The following EPHB2 variants were observed in gnomAD, a reference collection of about 807,000 sequenced individuals.
EPHB2 encodes the protein ephrin type-B receptor 2.
EPHB2 carries 18 observed loss-of-function variants against 96.4 expected under a neutral mutation model. That is an observed-to-expected ratio of 0.19 (90% confidence interval 0.13 to 0.28). The LOEUF (loss-of-function observed/expected upper bound fraction) is 0.28, where lower values mean the gene tolerates loss of function less well. Among genes scored for constraint, EPHB2 ranks in the 10% least tolerant of loss-of-function variants. The probability of loss-of-function intolerance (pLI) is 1.00; values close to 1 mark genes in which losing one functional copy is unlikely to be tolerated. For missense variants in EPHB2, 989 were observed against 1,355.4 expected, an observed-to-expected ratio of 0.73 and a Z score of 4.25; for synonymous variants, 506 against 534.1, an observed-to-expected ratio of 0.95 and a Z score of 0.72.
intron 3 of EPHB2, among the ~76,000 whole-genome samples, chr1:22,804,375 G>A (rs890657106): frequency 6.6e-6 from 1 of 152,110 alleles, no homozygotes; most frequent in African/African-American, 2.4e-5. Flanking sequence ...CCCCCATCCT[G>A]CCAGCGAAGG....
At chr1:22,821,521 G>T (rs1645151949) in intron 3 of EPHB2, among the ~76,000 whole-genome samples, 1 of 152,098 alleles carries the variant, frequency 6.6e-6, no homozygotes, top group Non-Finnish European at 1.5e-5. Flanking sequence ...ACCCAGAATT[G>T]AACAAAAAAT....
chr1:22,803,505 G>A (rs1333969730), intron 3 of EPHB2, among the ~76,000 whole-genome samples: 1 of 151,852 alleles, frequency 6.6e-6, no homozygotes, highest in East Asian at 1.9e-4. Context: ...TACTAGGGAG[G>A]CTGAGGTGGG....
At chr1:22,822,012 G>A (rs1173036558) in intron 3 of EPHB2, among the ~76,000 whole-genome samples, 2 of 152,192 alleles carry the variant, frequency 1.3e-5, no homozygotes, top group African/African-American at 4.8e-5. Flanking sequence ...ATGCTGGGAG[G>A]AAAGAATAAT....
intron 1 of EPHB2, among the ~76,000 whole-genome samples, chr1:22,720,157 T>C (rs536884190): frequency 1.3e-5 from 2 of 152,280 alleles, no homozygotes; most frequent in East Asian, 3.9e-4. Context: ...GATGGTGAAA[T>C]GGAAACTGCA....
Position 22,733,105 on chromosome 1 carries a change from A to G in EPHB2, c.61+22062A>G, listed in dbSNP as rs554287965. Among the ~76,000 whole-genome samples the G allele has an allele frequency of 1.3e-5, 2 of 151,884 alleles. No individual in the cohort carries two copies. The highest frequency in any genetic ancestry group is 3.9e-4 in the East Asian group (2 of 5,168). On this transcript the variant is annotated intron_variant, in intron 1 of 15. Transcript: ENST00000374630. This position sits in a 1 kb window ranked among gnomAD's most constrained non-coding sequence, Gnocchi z 4.6. ...CTCTTGTCGCCCAGACTGGAATGCA[A>G]TGGCGTAGTCTTGGCTCACTGCAAC...
At chr1:22,742,304 C>A (rs999469956) in intron 1 of EPHB2, among the ~76,000 whole-genome samples, 1 of 152,090 alleles carries the variant, frequency 6.6e-6, no homozygotes, top group Non-Finnish European at 1.5e-5. Flanking sequence ...CTGTCTTCTG[C>A]ATTCAGGGTG....
At chr1:22,729,295 T>G (rs1251532714) in intron 1 of EPHB2, among the ~76,000 whole-genome samples, 1 of 152,076 alleles carries the variant, frequency 6.6e-6, no homozygotes. Flanking sequence ...TGTCTTGAAA[T>G]CTCCAAATTA....
In EPHB2 at chr1:22,910,533, G is replaced by A. The variant is rs746925117; in HGVS notation, c.2654G>A (p.Arg885His). 9 of 1,612,946 alleles carry A rather than the reference G, an allele frequency of 5.6e-6. No homozygotes were observed. The highest frequency in any genetic ancestry group is 2.2e-5 in the South Asian group (2 of 91,078). Residue 885 changes from arginine to histidine, a missense_variant, in exon 14 of 16, where the codon CGC becomes CAC. Arg to His is a conservative substitution (Grantham distance 29). Transcript: ENST00000374630. ...GTCAACACGCTAGACAAGATGATCCGCAATCCCAACAGCCTCAAAGCCATG... is the reference window on the plus strand; with the variant it reads ...GTCAACACGCTAGACAAGATGATCCACAATCCCAACAGCCTCAAAGCCATG... ...QIVNTLDKMI[R>H]NPNSLKAMAP...
intron 14 of EPHB2, 104 bp downstream of exon 14, chr1:22,910,679 T>C (rs1640070171): frequency 7.0e-7 from 1 of 1,430,808 alleles, no homozygotes; most frequent in African/African-American, 1.4e-5. Flanking sequence ...TACTGCAGCT[T>C]GGGATGGGGA....
At chr1:22,820,062 T>C (rs1645132189) in intron 3 of EPHB2, among the ~76,000 whole-genome samples, 1 of 151,834 alleles carries the variant, frequency 6.6e-6, no homozygotes, top group Non-Finnish European at 1.5e-5. Flanking sequence ...GGTTATCAGG[T>C]TGAAACTGCA....
chr1:22,835,477 T>C (rs140878912), intron 3 of EPHB2, among the ~76,000 whole-genome samples: 28 of 152,284 alleles, frequency 1.8e-4, no homozygotes, highest in African/African-American at 6.7e-4. Context: ...CATGCACATA[T>C]GTTTGCATAT....
chr1:22,784,249 C>A lies in EPHB2; in HGVS notation c.127-143C>A. ...CTTTCCCACCTGATTGGCATGTCTC[C>A]CCCATCAGATTGGGAATTCTCTGAT... On this transcript the variant is annotated intron_variant, in intron 2 of 15. Transcript: ENST00000374630. This position sits in a 1 kb window ranked among gnomAD's most constrained non-coding sequence, Gnocchi z 5.1. The A allele has an allele frequency of 1.3e-6, 1 of 764,328 alleles. No homozygotes were observed. The highest frequency in any genetic ancestry group is 2.3e-6 in the Non-Finnish European group (1 of 437,226). The allele number at this position is 764,328 out of a possible 1,614,324, so 47.3% of individuals were successfully genotyped here. A position where few individuals can be genotyped will look rare whatever the true frequency, so the allele number is the denominator to read the frequency against.
chr1:22,890,016 C>T (rs1418823817), intron 6 of EPHB2, among the ~76,000 whole-genome samples: 2 of 152,022 alleles, frequency 1.3e-5, no homozygotes, highest in Non-Finnish European at 2.9e-5. Context: ...ATGGCAGGAA[C>T]CTAGGAAACA....
chr1:22,814,038 G>T (rs1645038862), intron 3 of EPHB2, among the ~76,000 whole-genome samples: 1 of 152,142 alleles, frequency 6.6e-6, no homozygotes, highest in Non-Finnish European at 1.5e-5. Flanking sequence ...AGGACAGGGT[G>T]GCGGGCACCT....
At position 22,913,813 on chromosome 1, in the gene EPHB2, A is replaced by T. The variant is rs1382978565; in HGVS notation, c.*243A>T. The T allele has an allele frequency of 5.0e-6, 8 of 1,610,532 alleles. No individual in the cohort carries two copies. Among genetic ancestry groups the T allele is most frequent in the Non-Finnish European group, 6.8e-6 (8 of 1,178,590 alleles). ...CTGGGAGGGGGCGGGAAATACAAGG[A>T]ATATTTTTTAAAGAGGATTCTCATA... On this transcript the variant is annotated 3_prime_UTR_variant, in exon 16 of 16. Coordinates refer to ENST00000374630, the MANE Select transcript of EPHB2 (RefSeq NM_017449.5). The surrounding 1 kb of genome is among the most constrained non-coding windows in gnomAD (Gnocchi z 4.1).
chr1:22,799,261 C>T (rs1375818435), intron 3 of EPHB2, among the ~76,000 whole-genome samples: 1 of 152,134 alleles, frequency 6.6e-6, no homozygotes. Flanking sequence ...GCCATCAGGA[C>T]AGCTGTGACC....
intron 1 of EPHB2, among the ~76,000 whole-genome samples, chr1:22,776,008 C>T (rs1025118413): frequency 6.6e-6 from 1 of 152,118 alleles, no homozygotes; most frequent in Admixed American, 6.5e-5. Flanking sequence ...GTGGTACCAG[C>T]GAGGCTGGCA....
In EPHB2 at chr1:22,906,619, C is replaced by A. The variant is rs1273857031; in HGVS notation, c.1889-91C>A. 1.9e-6 allele frequency: 3 copies of A among 1,581,740 alleles called. No homozygotes were observed. Among genetic ancestry groups the A allele is most frequent in the East Asian group, 4.5e-5 (2 of 44,230 alleles). On this transcript the variant is annotated intron_variant, in intron 10 of 15. Transcript: ENST00000374630. This position sits in a 1 kb window ranked among gnomAD's most constrained non-coding sequence, Gnocchi z 4.8. ...GGCCATTGAGAAGAAAATGTACCTG[C>A]AGGCCCCGTGAGTGGACATGACAGG...
intron 1 of EPHB2, among the ~76,000 whole-genome samples, chr1:22,770,662 G>T (rs575850678): frequency 6.6e-6 from 1 of 152,318 alleles, no homozygotes; most frequent in Non-Finnish European, 1.5e-5. Context: ...AAGAGTACCT[G>T]GTTCAGCTCC....
Sources: allele counts gnomAD v4.1 joint callset (sites outside exome capture counted in the v4.1 genomes callset), GRCh38; gene constraint gnomAD v4.1.1; non-coding constraint Gnocchi (gnomAD v3.1); transcripts MANE v1.5; gene names NCBI Gene and HGNC (gene_info 2026-07-23, HGNC 2026-07-21).